The following FHIT variants were observed in gnomAD, a reference collection of about 807,000 sequenced individuals.
FHIT encodes the protein fragile histidine triad diadenosine triphosphatase.
In FHIT, 19 loss-of-function variants were observed where a neutral mutation model predicts 17.9. That is an observed-to-expected ratio of 1.06 (90% CI 0.74 to 1.56). FHIT has a LOEUF of 1.56. Among genes scored for constraint, FHIT ranks in the 40% most tolerant of loss-of-function variants. The probability of loss-of-function intolerance (pLI) is 0.00; values close to 1 mark genes in which losing one functional copy is unlikely to be tolerated. For synonymous variants in FHIT, 81 were observed against 69.7 expected, an observed-to-expected ratio of 1.16 and a Z score of -0.81; for missense variants, 248 against 189.2, an observed-to-expected ratio of 1.31 and a Z score of -1.82.
intron 8 of FHIT, among the ~76,000 whole-genome samples, chr3:59,900,489 C>T (rs576302563): frequency 6.6e-6 from 1 of 152,196 alleles, no homozygotes. Context: ...CTTTGACTCC[C>T]CTAGATGCCA....
At chr3:60,935,374 G>A (rs1302420130) in intron 3 of FHIT, among the ~76,000 whole-genome samples, 2 of 152,030 alleles carry the variant, frequency 1.3e-5, no homozygotes, top group Non-Finnish European at 2.9e-5. Flanking sequence ...TGTTTAAAAG[G>A]GAAAACAGAG....
At position 60,007,730 on chromosome 3, in the gene FHIT, G is replaced by A. The variant is rs1699979618; in HGVS notation, c.279+3641C>T. On this transcript the variant is annotated intron_variant, in intron 7 of 9. Transcript: ENST00000492590. ...CGGACAGTCATGCAGAAGTATGATT[G>A]GATGATAAAAGAGTATGACTTGATG... Among the ~76,000 whole-genome samples, 2 of 152,250 alleles carry A rather than the reference G, an allele frequency of 1.3e-5. 1 individual carries two copies. The highest frequency in any genetic ancestry group is 4.1e-4 in the South Asian group (2 of 4,824).
At chr3:60,625,714 C>A (rs1189350082) in intron 4 of FHIT, among the ~76,000 whole-genome samples, 5 of 152,102 alleles carry the variant, frequency 3.3e-5, no homozygotes, top group Non-Finnish European at 5.9e-5. Flanking sequence ...TGGATGTTAT[C>A]CATGGAAACA....
intron 4 of FHIT, among the ~76,000 whole-genome samples, chr3:60,573,696 G>C (rs1461744094): frequency 6.6e-6 from 1 of 152,178 alleles, no homozygotes; most frequent in Non-Finnish European, 1.5e-5. Context: ...GGGTGAGAGT[G>C]ATGAGTCAAA....
intron 4 of FHIT, among the ~76,000 whole-genome samples, chr3:60,549,136 A>T (rs2036464033): frequency 6.6e-6 from 1 of 152,218 alleles, no homozygotes; most frequent in South Asian, 2.1e-4. Flanking sequence ...GTTAATTGTC[A>T]ACTCATACAT....
At chr3:60,968,218 A>G (rs1165042412) in intron 3 of FHIT, among the ~76,000 whole-genome samples, 2 of 152,200 alleles carry the variant, frequency 1.3e-5, no homozygotes, top group African/African-American at 4.8e-5. Context: ...CCCATGTAGT[A>G]ATGAGGTTAT....
At chr3:61,211,030 T>C (rs903631013) in intron 1 of FHIT, among the ~76,000 whole-genome samples, 2 of 151,930 alleles carry the variant, frequency 1.3e-5, no homozygotes, top group Non-Finnish European at 2.9e-5. Flanking sequence ...GCAGCCAAGA[T>C]GGCCGAATAG....
chr3:60,366,168 G>A (rs371140018), intron 5 of FHIT, among the ~76,000 whole-genome samples: 1 of 152,146 alleles, frequency 6.6e-6, no homozygotes, highest in African/African-American at 2.4e-5. Context: ...GGAAAAAGGC[G>A]CTATGTTCAG....
chr3:60,526,725 C>T (rs541119592), intron 5 of FHIT, among the ~76,000 whole-genome samples: 46 of 152,236 alleles, frequency 3.0e-4, no homozygotes, highest in African/African-American at 9.6e-4. Context: ...ACATGGGAAG[C>T]TCTCCAAAAG....
In FHIT at chr3:60,524,197, G is replaced by GAC. The variant is rs56975783; in HGVS notation, c.103+12661_103+12662dup. 2.6e-3 allele frequency among the ~76,000 whole-genome samples: 380 copies of GAC among 144,964 alleles called. 1 individual carries two copies. Among genetic ancestry groups the GAC allele is most frequent in the African/African-American group, 7.3e-3 (276 of 37,940 alleles). Reference sequence around the variant, plus strand: ...AGAGCTCACATTCTAGTCAGCCTGAGACACACACACACACACACACACACA... The same window carrying GAC: ...AGAGCTCACATTCTAGTCAGCCTGAGACACACACACACACACACACACACACA... On this transcript the variant is annotated intron_variant, in intron 5 of 9. Coordinates refer to ENST00000492590, the MANE Select transcript of FHIT (RefSeq NM_002012.4).
chr3:60,953,889 A>G (rs1709000115), intron 3 of FHIT, among the ~76,000 whole-genome samples: 1 of 152,176 alleles, frequency 6.6e-6, no homozygotes, highest in Non-Finnish European at 1.5e-5. Context: ...AGTTCTATGA[A>G]GAGCATTTGG....
At chr3:60,458,702 G>A (rs2032268547) in intron 5 of FHIT, among the ~76,000 whole-genome samples, 1 of 152,092 alleles carries the variant, frequency 6.6e-6, no homozygotes, top group Admixed American at 6.6e-5. Context: ...GCCAACTCTA[G>A]ATGTCAAAAG....
intron 5 of FHIT, among the ~76,000 whole-genome samples, chr3:60,185,522 T>C (rs1009210193): frequency 2.6e-5 from 4 of 152,230 alleles, no homozygotes; most frequent in African/African-American, 9.6e-5. Context: ...ATTCACTTAT[T>C]GAAGGACATT....
chr3:59,752,332 A>G lies in FHIT; in HGVS notation c.349-11T>C. 1 of 1,605,866 alleles carries G rather than the reference A, an allele frequency of 6.2e-7. No homozygotes were observed. Among genetic ancestry groups the G allele is most frequent in the South Asian group, 1.1e-5 (1 of 90,552 alleles). ...GTCATGTTTCTGGAGCTTTGGAGAA[A>G]AAAAAAGGAAGAGGCTCTTTCATGG... On this transcript the variant is annotated splice_polypyrimidine_tract_variant and intron_variant, in intron 8 of 9. Transcript: ENST00000492590.
intron 5 of FHIT, among the ~76,000 whole-genome samples, chr3:60,370,818 G>T (rs1015083131): frequency 1.3e-5 from 2 of 152,128 alleles, no homozygotes; most frequent in African/African-American, 4.8e-5. Flanking sequence ...CAGCTTCTAA[G>T]TGCTCTTCTT....
chr3:61,125,113 T>C (rs1233168961), intron 2 of FHIT, among the ~76,000 whole-genome samples: 1 of 152,138 alleles, frequency 6.6e-6, no homozygotes, highest in Admixed American at 6.5e-5. Context: ...TCCCTTAGAA[T>C]CATCAAAAAA....
At chr3:59,958,146 A>G (rs997222453) in intron 7 of FHIT, among the ~76,000 whole-genome samples, 16 of 152,214 alleles carry the variant, frequency 1.1e-4, no homozygotes, top group Non-Finnish European at 1.9e-4. Context: ...CTCTAGCTGG[A>G]ACATGTATCT....
chr3:60,893,910 A>G (rs1231650951), intron 3 of FHIT, among the ~76,000 whole-genome samples: 1 of 152,230 alleles, frequency 6.6e-6, no homozygotes, highest in African/African-American at 2.4e-5. Context: ...TCAGGTAGAA[A>G]TCCCAGAAGG....
chr3:61,026,534 A>C (rs2107657583), intron 3 of FHIT, among the ~76,000 whole-genome samples: 1 of 152,334 alleles, frequency 6.6e-6, no homozygotes, highest in Non-Finnish European at 1.5e-5. Context: ...AAGATTTATA[A>C]AATACTTTAA....
Sources: allele counts gnomAD v4.1 joint callset (sites outside exome capture counted in the v4.1 genomes callset), GRCh38; gene constraint gnomAD v4.1.1; transcripts MANE v1.5; gene names NCBI Gene and HGNC (gene_info 2026-07-23, HGNC 2026-07-21).